Variants in POLD1 observed in about 807,000 individuals in gnomAD.
POLD1 encodes DNA polymerase delta catalytic subunit.
In POLD1, 79 loss-of-function variants were observed where a neutral mutation model predicts 129.7. The observed-to-expected ratio is 0.61, with a 90% CI of 0.51 to 0.73. The LOEUF is 0.73. Among genes scored for constraint, POLD1 ranks in the 30% least tolerant of loss-of-function variants. POLD1 has a pLI of 0.00. For synonymous variants in POLD1, 714 were observed against 683.3 expected (o/e 1.04, Z -0.70); for missense variants, 1,338 against 1,595.8 (o/e 0.84, Z 2.75).
intron 3 of POLD1, among the ~76,000 whole-genome samples, chr19:50,401,391 A>ATATATATATATATTT (rs1334231607): frequency 1.5e-5 from 1 of 65,948 alleles, no homozygotes; most frequent in African/African-American, 6.9e-5. Flanking sequence ...ATATATATAT[A>ATATATATATATATTT]TTTTTTTTTT....
chr19:50,397,899 G>T (rs538412479), intron 1 of POLD1, among the ~76,000 whole-genome samples: 1 of 152,162 alleles, frequency 6.6e-6, no homozygotes, highest in Non-Finnish European at 1.5e-5. Flanking sequence ...CCTTGAGTCA[G>T]TGTTAAATGT....
rs906743894 is a variant in POLD1, at chr19:50,406,299, C to T, written c.1360C>T (p.Arg454Cys). Residue 454 changes from arginine (R) to cysteine (C), a missense_variant, in exon 11 of 27, where the codon CGC becomes TGC. Physicochemically the swap from Arg to Cys is radical, Grantham distance 180. Transcript: ENST00000440232. This position sits in a 1 kb window ranked among gnomAD's most constrained non-coding sequence, Gnocchi z 5.5. ...RDTKVVSMVG[R>C]VQMDMLQVLL... Reference sequence around the variant, plus strand: ...CACCAAGGTTGTCAGCATGGTGGGCCGCGTGCAGATGGACATGCTGCAGGT... The same window carrying T: ...CACCAAGGTTGTCAGCATGGTGGGCTGCGTGCAGATGGACATGCTGCAGGT... 2.5e-6 allele frequency: 4 copies of T among 1,613,976 alleles called. No individual in the cohort carries two copies. The highest frequency in any genetic ancestry group is 1.6e-4 in the Middle Eastern group (1 of 6,062).
At chr19:50,400,909 G>A (rs1387412019) in intron 3 of POLD1, among the ~76,000 whole-genome samples, 2 of 150,652 alleles carry the variant, frequency 1.3e-5, no homozygotes, top group African/African-American at 4.9e-5. Context: ...TTTTAGCCAG[G>A]ATGGTCTTGA....
chr19:50,390,217 C>G (rs1340099456), intron 1 of POLD1, among the ~76,000 whole-genome samples: 1 of 150,164 alleles, frequency 6.7e-6, no homozygotes, highest in South Asian at 2.1e-4. Context: ...CCAATAATTT[C>G]TTTTTTTCTT....
At chr19:50,391,248 C>G (rs1406269861) in intron 1 of POLD1, among the ~76,000 whole-genome samples, 1 of 146,312 alleles carries the variant, frequency 6.8e-6, no homozygotes, top group Non-Finnish European at 1.5e-5. Flanking sequence ...TCCTCACTTC[C>G]CAGACTGGGC....
At position 50,413,455 on chromosome 19, in the gene POLD1, C is replaced by T. The variant is rs868099791; in HGVS notation, c.2184C>T (p.Ile728=). 5.6e-6 allele frequency: 9 copies of T among 1,613,214 alleles called. No homozygotes were observed. The highest frequency in any genetic ancestry group is 7.6e-6 in the Non-Finnish European group (9 of 1,179,614). ...TCACGGGGTTCGGACGTCAGATGATCGAGAAAACCAAGCAGCTGGTGGAGT... is the reference window on the plus strand; with the variant it reads ...TCACGGGGTTCGGACGTCAGATGATTGAGAAAACCAAGCAGCTGGTGGAGT... ...QSVTGFGRQM[I]EKTKQLVESK... The change falls in exon 18 of 27, where the codon ATC becomes ATT. Residue 728 remains isoleucine, a synonymous_variant. Coordinates refer to ENST00000440232, the MANE Select transcript of POLD1 (RefSeq NM_002691.4).
chr19:50,392,267 T>C (rs1038473434), intron 1 of POLD1, among the ~76,000 whole-genome samples: 1 of 151,856 alleles, frequency 6.6e-6, no homozygotes, highest in Non-Finnish European at 1.5e-5. Flanking sequence ...ATTGACTAAT[T>C]TTTAATTTTT....
rs997563069 is a variant in POLD1, at chr19:50,413,499, A to G, written c.2228A>G (p.Asn743Ser). 6.2e-6 allele frequency: 10 copies of G among 1,611,438 alleles called. No homozygotes were observed. In the East Asian group the frequency reaches 2.2e-4, roughly 36 times the overall value. The change falls in exon 18 of 27, where the codon AAT (asparagine) becomes AGT (serine). Residue 743 changes from asparagine to serine, a missense_variant. Transcript: ENST00000440232. ...QLVESKYTVE[N>S]GYSTSAKVVY... ...GTGGAGTCTAAGTACACAGTGGAGAATGGCTACAGCACCAGTGCCAAGGTC... is the reference window on the plus strand; with the variant it reads ...GTGGAGTCTAAGTACACAGTGGAGAGTGGCTACAGCACCAGTGCCAAGGTC...
Position 50,409,102 on chromosome 19 carries a change from C to T in POLD1, c.1893-20C>T, listed in dbSNP as rs2039001559. 2 of 1,568,936 alleles carry T rather than the reference C, an allele frequency of 1.3e-6. No homozygotes were observed. The highest frequency in any genetic ancestry group is 1.7e-5 in the Admixed American group (1 of 59,850). Reference sequence around the variant, plus strand: ...GAGCAGGAGGGTGGCCGGCAGTCACCCCAACATCTTCCAACCCAGCCTGAC... The same window carrying T: ...GAGCAGGAGGGTGGCCGGCAGTCACTCCAACATCTTCCAACCCAGCCTGAC... On this transcript the variant is annotated intron_variant, in intron 15 of 26. Coordinates refer to ENST00000440232, the MANE Select transcript of POLD1 (RefSeq NM_002691.4). The surrounding 1 kb of genome is among the most constrained non-coding windows in gnomAD (Gnocchi z 5.8).
In POLD1 at chr19:50,402,165, C is replaced by T. The variant is rs8105475; in HGVS notation, c.590-40C>T. 1.2e-3 allele frequency: 1,950 copies of T among 1,591,912 alleles called. 2 individuals carry two copies. The highest frequency in any genetic ancestry group is 0.011 in the African/African-American group (810 of 74,800). Reference sequence around the variant, plus strand: ...GGATCAGCGGGTTGGAGGGTCCCCTCGGGAGGCCATTGGCTGGTCCCAGCT... The same window carrying T: ...GGATCAGCGGGTTGGAGGGTCCCCTTGGGAGGCCATTGGCTGGTCCCAGCT... On this transcript the variant is annotated intron_variant, in intron 5 of 26. Coordinates refer to ENST00000440232, the MANE Select transcript of POLD1 (RefSeq NM_002691.4).
Position 50,401,993 on chromosome 19 carries a change from C to T in POLD1, c.464-6C>T, listed in dbSNP as rs1601199198. The stretch of plus-strand genomic sequence containing the variant: ...CCTGCACCTCTGATCATCCCTCCCA[C>T]ACCAGGTTTCGGGCCCGAGCACATG... On this transcript the variant is annotated splice_polypyrimidine_tract_variant and splice_region_variant and intron_variant, in intron 4 of 26. Coordinates refer to ENST00000440232, the MANE Select transcript of POLD1 (RefSeq NM_002691.4). 1 of 1,614,150 alleles carries T rather than the reference C, an allele frequency of 6.2e-7. No homozygotes were observed. Among genetic ancestry groups the T allele is most frequent in the Non-Finnish European group, 8.5e-7 (1 of 1,180,010 alleles).
At chr19:50,389,939 C>T (rs2038098804) in intron 1 of POLD1, among the ~76,000 whole-genome samples, 2 of 142,938 alleles carry the variant, frequency 1.4e-5, no homozygotes, top group African/African-American at 5.2e-5. Context: ...GAAACAGAGC[C>T]TCATTGTCAC....
chr19:50,398,956 G>A lies in POLD1; in HGVS notation c.105G>A (p.Glu35=). Residue 35 remains glutamate, a synonymous_variant, in exon 2 of 27, where the codon GAG becomes GAA. Coordinates refer to ENST00000440232, the MANE Select transcript of POLD1 (RefSeq NM_002691.4). The part of the protein sequence containing the change: ...DDDAPRPSQF[E]EDLALMEEME... ...ATGCACCTCGGCCATCCCAATTCGAGGAGGACCTGGCACTGATGGAGGAGA... is the reference window on the plus strand; with the variant it reads ...ATGCACCTCGGCCATCCCAATTCGAAGAGGACCTGGCACTGATGGAGGAGA... 1 of 1,584,530 alleles carries A rather than the reference G, an allele frequency of 6.3e-7. No homozygotes were observed. The highest frequency in any genetic ancestry group is 8.6e-7 in the Non-Finnish European group (1 of 1,166,068).
chr19:50,408,612 A>G lies in POLD1; in HGVS notation c.1776-173A>G. On this transcript the variant is annotated intron_variant, in intron 14 of 26. Coordinates refer to ENST00000440232, the MANE Select transcript of POLD1 (RefSeq NM_002691.4). ...TGCCCAGGCTGATCTGAAACTCCTG[A>G]GTTCAAGCGATCCTCCTGCCTCAGC... 4.1e-6 allele frequency: 4 copies of G among 974,866 alleles called. No individual in the cohort carries two copies. The South Asian group carries it at 6.5e-5, about 16-fold the overall frequency. The allele number at this position is 974,866 out of a possible 1,614,324, so 60.4% of individuals were successfully genotyped here. A position where few individuals can be genotyped will look rare whatever the true frequency, so the allele number is the denominator to read the frequency against.
At chr19:50,391,014 C>T (rs1345975966) in intron 1 of POLD1, among the ~76,000 whole-genome samples, 1 of 152,128 alleles carries the variant, frequency 6.6e-6, no homozygotes, top group Admixed American at 6.5e-5. Flanking sequence ...TCTTTCCTTT[C>T]CCATTTCCCC....
At position 50,407,173 on chromosome 19, in the gene POLD1, A is replaced by G. The variant is rs1160190395; in HGVS notation, c.1685A>G (p.Gln562Arg). Residue 562 changes from glutamine (Q) to arginine (R), a missense_variant and splice_region_variant, in exon 13 of 27, where the codon CAG becomes CGG. This residue lies in a region of POLD1 where 720 missense variants were observed against 1,002.6 expected (regional missense o/e 0.72). Coordinates refer to ENST00000440232, the MANE Select transcript of POLD1 (RefSeq NM_002691.4). ...AAGGTCGTATCCCAGCTGTTGCGGC[A>G]GGTCAGTAGCCGAGACTTGTCCTCG... ...QVKVVSQLLR[Q>R]AMHEGLLMPV... 1.3e-6 allele frequency: 2 copies of G among 1,599,422 alleles called. No individual in the cohort carries two copies. The highest frequency in any genetic ancestry group is 1.7e-6 in the Non-Finnish European group (2 of 1,169,536).
chr19:50,416,833 G>A (rs1156748587), intron 24 of POLD1, 110 bp downstream of exon 24: 2 of 999,528 alleles, frequency 2.0e-6, no homozygotes, highest in African/African-American at 1.6e-5. Flanking sequence ...GTGGGCCCAG[G>A]GCCCCTGGGT....
chr19:50,408,203 C>T (rs537510917), intron 14 of POLD1, among the ~76,000 whole-genome samples: 9 of 150,532 alleles, frequency 6.0e-5, no homozygotes, highest in Admixed American at 4.6e-4. Context: ...GGCATGGTGG[C>T]GGGCGCCTGC....
intron 1 of POLD1, among the ~76,000 whole-genome samples, chr19:50,387,458 A>T (rs2038011781): frequency 6.6e-6 from 1 of 152,146 alleles, no homozygotes; most frequent in South Asian, 2.1e-4. Context: ...AGAGGGGCAG[A>T]GGACAGTGTT....
Sources: allele counts gnomAD v4.1 joint callset (sites outside exome capture counted in the v4.1 genomes callset), GRCh38; gene constraint gnomAD v4.1.1; regional missense constraint gnomAD v4.1.1; non-coding constraint Gnocchi (gnomAD v3.1); transcripts MANE v1.5; gene names NCBI Gene and HGNC (gene_info 2026-07-23, HGNC 2026-07-21).